The following ZCWPW2 variants were observed in gnomAD, a reference collection of about 807,000 sequenced individuals.
The protein encoded by ZCWPW2 is zinc finger CW-type and PWWP domain containing 2.
ZCWPW2 carries 45 observed loss-of-function variants against 46.6 expected under a neutral mutation model. The observed-to-expected ratio is 0.96, with a 90% CI of 0.76 to 1.24. The LOEUF (loss-of-function observed/expected upper bound fraction) is 1.24. Among genes scored for constraint, ZCWPW2 ranks in the 50% most tolerant of loss-of-function variants. The pLI, the probability that ZCWPW2 is intolerant of heterozygous loss-of-function variation, is 0.00. For synonymous variants in ZCWPW2, 152 were observed against 137.1 expected (o/e 1.11, Z -0.76); for missense variants, 429 against 403.9 (o/e 1.06, Z -0.53).
At chr3:28,432,070 A>G (rs558849587) in intron 3 of ZCWPW2, among the ~76,000 whole-genome samples, 50 of 152,296 alleles carry the variant, frequency 3.3e-4, no homozygotes, top group South Asian at 8.3e-4. Context: ...TCATGACTCA[A>G]TTACCTCCCA....
chr3:28,501,129 A>G (rs1030900234), intron 6 of ZCWPW2, among the ~76,000 whole-genome samples: 1 of 152,174 alleles, frequency 6.6e-6, no homozygotes, highest in African/African-American at 2.4e-5. Context: ...GCGATTCATG[A>G]ATCTGGCAGC....
chr3:28,364,378 C>A (rs1376804312), intron 1 of ZCWPW2, among the ~76,000 whole-genome samples: 3 of 151,904 alleles, frequency 2.0e-5, no homozygotes, highest in Admixed American at 6.6e-5. Flanking sequence ...GCATTTATGC[C>A]CATTCCATAT....
At chr3:28,420,567 T>G (rs1696728543) in intron 3 of ZCWPW2, among the ~76,000 whole-genome samples, 1 of 151,788 alleles carries the variant, frequency 6.6e-6, no homozygotes, top group African/African-American at 2.4e-5. Flanking sequence ...TTTTAGTTTT[T>G]AATTATACTT....
intron 3 of ZCWPW2, among the ~76,000 whole-genome samples, chr3:28,414,490 G>A (rs1696559455): frequency 6.6e-6 from 1 of 151,632 alleles, no homozygotes; most frequent in Non-Finnish European, 1.5e-5. Context: ...AAGTTTTAGG[G>A]TACATGTGCA....
intron 8 of ZCWPW2, among the ~76,000 whole-genome samples, chr3:28,516,377 T>A (rs1700574642): frequency 6.6e-6 from 1 of 152,112 alleles, no homozygotes; most frequent in African/African-American, 2.4e-5. Flanking sequence ...CCAAACTTAC[T>A]GGGATCCTAG....
chr3:28,462,786 C>G (rs1369009145), intron 4 of ZCWPW2, among the ~76,000 whole-genome samples: 1 of 148,322 alleles, frequency 6.7e-6, no homozygotes, highest in Non-Finnish European at 1.5e-5. Context: ...GTGGACAAAC[C>G]CTTATGTATT....
At chr3:28,410,423 A>T (rs959971245) in intron 2 of ZCWPW2, among the ~76,000 whole-genome samples, 2 of 151,624 alleles carry the variant, frequency 1.3e-5, no homozygotes, top group African/African-American at 4.8e-5. Flanking sequence ...AATATGCATC[A>T]TTTTTTGCAC....
Position 28,412,990 on chromosome 3 carries a change from T to C in ZCWPW2, c.-13-66T>C, listed in dbSNP as rs141539489. 4 of 1,330,590 alleles carry C rather than the reference T, an allele frequency of 3.0e-6. No homozygotes were observed. The East Asian group carries it at 9.7e-5, about 32-fold the overall frequency. 82.4% of individuals were successfully genotyped at this position (1,330,590 alleles called of 1,614,324 possible). A position where few individuals can be genotyped will look rare whatever the true frequency, so the allele number is the denominator to read the frequency against. On this transcript the variant is annotated intron_variant, in intron 2 of 9. Coordinates refer to ENST00000383768, the MANE Select transcript of ZCWPW2 (RefSeq NM_001040432.4). ...AAAGAGGAATTTCTCTGATTTTTGG[T>C]TTGAATTTTCTCTCCTTATACTCTT... is the stretch of plus-strand genomic sequence containing the variant.
At chr3:28,381,930 A>T (rs1482166693) in intron 1 of ZCWPW2, among the ~76,000 whole-genome samples, 1 of 152,152 alleles carries the variant, frequency 6.6e-6, no homozygotes, top group Non-Finnish European at 1.5e-5. Context: ...TAGGAGGCCA[A>T]GGTGGGCGGA....
At chr3:28,435,868 T>C (rs1204696319) in intron 4 of ZCWPW2, among the ~76,000 whole-genome samples, 2 of 152,230 alleles carry the variant, frequency 1.3e-5, no homozygotes, top group African/African-American at 4.8e-5. Flanking sequence ...ATTTTAAGAC[T>C]ATCATTTGGT....
At position 28,373,452 on chromosome 3, in the gene ZCWPW2, TG is replaced by T. The variant is rs1171652229; in HGVS notation, c.-133-17045del. 1.1e-4 allele frequency among the ~76,000 whole-genome samples: 16 copies of T among 151,688 alleles called. No individual in the cohort carries two copies. In the South Asian group the frequency reaches 1.7e-3, roughly 16 times the overall value. ...ATATACCTATTGGCCATTTGTATGT[TG>T]TTTTTTTTTGTTTGTTTGTTTGTTT... is the stretch of plus-strand genomic sequence containing the variant. On this transcript the variant is annotated intron_variant, in intron 1 of 9. Transcript: ENST00000383768.
chr3:28,421,781 A>G (rs576174109), intron 3 of ZCWPW2, among the ~76,000 whole-genome samples: 3 of 151,632 alleles, frequency 2.0e-5, no homozygotes, highest in East Asian at 1.9e-4. Context: ...AGGGAGAAAT[A>G]GAAAGAAATG....
chr3:28,451,617 A>G (rs1402153838), intron 4 of ZCWPW2, among the ~76,000 whole-genome samples: 2 of 152,202 alleles, frequency 1.3e-5, no homozygotes, highest in Non-Finnish European at 2.9e-5. Flanking sequence ...CTTATTTTCA[A>G]ATTCCATTTG....
intron 2 of ZCWPW2, among the ~76,000 whole-genome samples, chr3:28,391,136 G>T (rs1206816036): frequency 6.6e-6 from 1 of 152,156 alleles, no homozygotes; most frequent in East Asian, 1.9e-4. Flanking sequence ...GAATAAACTT[G>T]AAGCCCAGCA....
chr3:28,352,457 C>A lies in ZCWPW2; in HGVS notation c.-134+3254C>A, dbSNP rs563547426. 5.3e-5 allele frequency among the ~76,000 whole-genome samples: 8 copies of A among 152,118 alleles called. No homozygotes were observed. In the East Asian group the frequency reaches 1.5e-3, roughly 29 times the overall value. ...TTTCCTCTTTAGCAGTTGTCCCTCT[C>A]TCACTGACAAATATGGGGATACCTT... is the stretch of plus-strand genomic sequence containing the variant. On this transcript the variant is annotated intron_variant, in intron 1 of 9. Transcript: ENST00000383768.
At chr3:28,455,176 T>C (rs574228358) in intron 4 of ZCWPW2, among the ~76,000 whole-genome samples, 2 of 152,334 alleles carry the variant, frequency 1.3e-5, no homozygotes, top group South Asian at 4.1e-4. Context: ...TAATAGCCAT[T>C]CTGACTGGTG....
chr3:28,465,799 G>GA (rs1462280516), intron 4 of ZCWPW2, among the ~76,000 whole-genome samples: 1 of 151,860 alleles, frequency 6.6e-6, no homozygotes, highest in African/African-American at 2.4e-5. Context: ...TAAACAATAG[G>GA]AAAAAACGAT....
chr3:28,380,971 T>TATATATATATA (rs1181797158), intron 1 of ZCWPW2, among the ~76,000 whole-genome samples: 1 of 17,578 alleles, frequency 5.7e-5, no homozygotes, highest in Non-Finnish European at 9.5e-5. Flanking sequence ...TATATATATA[T>TATATATATATA]TTGGTATATA....
chr3:28,486,359 A>T (rs952303104), intron 5 of ZCWPW2, among the ~76,000 whole-genome samples: 1 of 152,200 alleles, frequency 6.6e-6, no homozygotes, highest in African/African-American at 2.4e-5. Context: ...TATTAGATCA[A>T]TTAAGAATAA....
Sources: gnomAD v4.1 joint callset for allele counts (sites outside exome capture counted in the v4.1 genomes callset) on GRCh38, gnomAD v4.1.1 for gene constraint, MANE v1.5 for transcripts, NCBI Gene and HGNC (gene_info 2026-07-23, HGNC 2026-07-21) for gene names.